LARP4B: variants seen among roughly 807,000 people sequenced by gnomAD.
The protein encoded by LARP4B is La ribonucleoprotein 4B.
Under a neutral mutation model 89.8 loss-of-function variants are expected in LARP4B, and 12 were observed. The ratio of observed to expected loss-of-function variants is 0.13; its 90% CI spans 0.09 to 0.22. LARP4B has a LOEUF of 0.22. Ranked by LOEUF, LARP4B falls within the 10% of genes least tolerant of loss-of-function variation. The pLI is 1.00. For synonymous variants in LARP4B, 367 were observed against 363.3 expected, an observed-to-expected ratio of 1.01 and a Z score of -0.12; for missense variants, 757 against 947.7, an observed-to-expected ratio of 0.80 and a Z score of 2.64.
chr10:842,197 T>C (rs936937829), intron 7 of LARP4B, among the ~76,000 whole-genome samples: 10 of 151,618 alleles, frequency 6.6e-5, no homozygotes, highest in Non-Finnish European at 1.2e-4. Context: ...ACTCACAACA[T>C]AATTTTTTTT....
Position 830,974 on chromosome 10 carries a change from C to T in LARP4B, c.754G>A (p.Val252Ile), listed in dbSNP as rs1305105689. The change falls in exon 9 of 18, where the codon GTA becomes ATA. Residue 252 changes from valine to isoleucine, a missense_variant. Val to Ile is a conservative substitution (Grantham distance 29, BLOSUM62 3). Coordinates refer to ENST00000316157, the MANE Select transcript of LARP4B (RefSeq NM_015155.3). ...EISESTPVEE[V>I]EALFKGDNLP... is the part of the protein sequence containing the mutation. ...TTATCTCCTTTAAATAGTGCTTCTA[C>T]TTCCTACAGGAAATAGAGATGTTAG... is the stretch of plus-strand genomic sequence containing the variant. 2.9e-6 allele frequency: 3 copies of T among 1,050,842 alleles called. No homozygotes were observed. The highest frequency in any genetic ancestry group is 3.2e-5 in the African/African-American group (2 of 62,868). 65.1% of individuals were successfully genotyped at this position (1,050,842 alleles called of 1,614,324 possible). A position where few individuals can be genotyped will look rare whatever the true frequency, so the allele number is the denominator to read the frequency against.
chr10:923,181 G>A (rs1054052649), intron 1 of LARP4B, among the ~76,000 whole-genome samples: 4 of 152,096 alleles, frequency 2.6e-5, no homozygotes, highest in African/African-American at 7.2e-5. Context: ...TGTTCTATCC[G>A]TGGTTTAAAT....
At chr10:873,306 CTAA>C (rs1174494094) in intron 3 of LARP4B, 9 of 985,282 alleles carry the variant, frequency 9.1e-6, no homozygotes, top group Non-Finnish European at 1.1e-5. Flanking sequence ...AACCCAAATC[CTAA>C]TGACAACAGA....
intron 1 of LARP4B, among the ~76,000 whole-genome samples, chr10:917,721 C>T (rs561874466): frequency 6.6e-6 from 1 of 152,360 alleles, no homozygotes; most frequent in South Asian, 2.1e-4. Context: ...TAGTCCTTGG[C>T]TTGGCTTCCT....
At chr10:902,134 A>G (rs1354410200) in intron 1 of LARP4B, among the ~76,000 whole-genome samples, 1 of 152,208 alleles carries the variant, frequency 6.6e-6, no homozygotes, top group Non-Finnish European at 1.5e-5. Context: ...TCTTACTAAA[A>G]CATAATACAA....
the LARP4B span, among the ~76,000 whole-genome samples, chr10:959,113 G>A: frequency 6.6e-6 from 1 of 152,160 alleles, no homozygotes; most frequent in African/African-American, 2.4e-5. Context: ...AGGTGTGGTT[G>A]ACAGTGGGTG....
chr10:839,842 C>T (rs1833432674), intron 7 of LARP4B, among the ~76,000 whole-genome samples: 1 of 152,176 alleles, frequency 6.6e-6, no homozygotes, highest in South Asian at 2.1e-4. Context: ...GAGACTTTTA[C>T]ACAAGTGTCC....
At chr10:936,263 G>C (rs980899716), upstream of LARP4B, among the ~76,000 whole-genome samples, 5 of 152,146 alleles carry the variant, frequency 3.3e-5, no homozygotes, top group Admixed American at 6.6e-5. Flanking sequence ...TGAGGATGAG[G>C]GATGGAGGGT....
intron 8 of LARP4B, among the ~76,000 whole-genome samples, chr10:832,273 G>C (rs1348293909): frequency 6.6e-6 from 1 of 152,094 alleles, no homozygotes; most frequent in Non-Finnish European, 1.5e-5. Flanking sequence ...TCGATCTCCT[G>C]ACCTCGTGAT....
the LARP4B span, among the ~76,000 whole-genome samples, chr10:941,116 G>A: frequency 1.3e-5 from 2 of 152,162 alleles, no homozygotes; most frequent in Admixed American, 1.3e-4. Flanking sequence ...CTTGAGGCAG[G>A]TGCTTGGAGG....
At chr10:955,866 C>T in the LARP4B span, among the ~76,000 whole-genome samples, 17 of 152,104 alleles carry the variant, frequency 1.1e-4, no homozygotes, top group Non-Finnish European at 2.1e-4. This position sits in a 1 kb window ranked among gnomAD's most constrained non-coding sequence, Gnocchi z 5.2. Context: ...CATTTGGAAA[C>T]CTGGCCTTGA....
intron 1 of LARP4B, among the ~76,000 whole-genome samples, chr10:910,480 T>A (rs1347954484): frequency 6.6e-6 from 1 of 152,032 alleles, no homozygotes; most frequent in Non-Finnish European, 1.5e-5. Flanking sequence ...AGAGGTCTCA[T>A]GTGGTGTTTT....
chr10:825,293 C>T lies in LARP4B; in HGVS notation c.1256G>A (p.Arg419Gln), dbSNP rs776303473. Residue 419 changes from arginine to glutamine, a missense_variant, in exon 13 of 18, where the codon CGG (arginine) becomes CAG (glutamine). Arg to Gln is a conservative substitution (Grantham distance 43, BLOSUM62 1). Coordinates refer to ENST00000316157, the MANE Select transcript of LARP4B (RefSeq NM_015155.3). ...CCTCTCTGCACTAGGAATCGCATGCCGCAGATGAGATTTACTAGGATTCCT... is the reference window on the plus strand; with the variant it reads ...CCTCTCTGCACTAGGAATCGCATGCTGCAGATGAGATTTACTAGGATTCCT... ...RSRNPSKSHL[R>Q]HAIPSAERGP... 13 of 1,613,852 alleles carry T rather than the reference C, an allele frequency of 8.1e-6. No individual in the cohort carries two copies. The highest frequency in any genetic ancestry group is 2.2e-5 in the East Asian group (1 of 44,896).
chr10:846,829 C>T (rs1041562795), intron 5 of LARP4B, among the ~76,000 whole-genome samples: 6 of 152,066 alleles, frequency 3.9e-5, no homozygotes, highest in Admixed American at 1.3e-4. Flanking sequence ...GGACTGAACC[C>T]GGGACACTCC....
At chr10:832,850 A>T (rs1832980990) in intron 8 of LARP4B, among the ~76,000 whole-genome samples, 1 of 152,258 alleles carries the variant, frequency 6.6e-6, no homozygotes, top group Non-Finnish European at 1.5e-5. Flanking sequence ...GTCCAGATTG[A>T]CATAAAGGAA....
chr10:860,563 AT>A (rs1335125431), intron 5 of LARP4B, among the ~76,000 whole-genome samples: 1 of 152,208 alleles, frequency 6.6e-6, no homozygotes, highest in East Asian at 1.9e-4. Context: ...GCAAAGCCAC[AT>A]TTTGAAAACA....
At chr10:950,622 C>G in the LARP4B span, among the ~76,000 whole-genome samples, 2 of 152,264 alleles carry the variant, frequency 1.3e-5, no homozygotes, top group South Asian at 4.1e-4. Context: ...GTCTTCCAAT[C>G]GATGAACACC....
At chr10:847,190 G>A (rs527276938) in intron 5 of LARP4B, among the ~76,000 whole-genome samples, 10 of 152,140 alleles carry the variant, frequency 6.6e-5, no homozygotes, top group African/African-American at 1.2e-4. Context: ...TGGGCTGCCC[G>A]GGGTGGCTTC....
intron 1 of LARP4B, among the ~76,000 whole-genome samples, chr10:909,386 T>C (rs947234399): frequency 6.6e-6 from 1 of 151,908 alleles, no homozygotes; most frequent in Non-Finnish European, 1.5e-5. Flanking sequence ...CTTCAAATAT[T>C]AGGCATTACA....
Sources: allele counts gnomAD v4.1 joint callset (sites outside exome capture counted in the v4.1 genomes callset), GRCh38; gene constraint gnomAD v4.1.1; non-coding constraint Gnocchi (gnomAD v3.1); transcripts MANE v1.5; gene names NCBI Gene and HGNC (gene_info 2026-07-23, HGNC 2026-07-21).